Variants in A1CF observed in about 807,000 individuals in gnomAD.
A1CF encodes the protein APOBEC1 complementation factor, also known as APOBEC-1 stimulating protein.
A1CF carries 48 observed loss-of-function variants against 68.9 expected under a neutral mutation model. That is an observed-to-expected ratio of 0.70 (90% confidence interval 0.55 to 0.89). The LOEUF (loss-of-function observed/expected upper bound fraction) is 0.89, where lower values mean the gene tolerates loss of function less well. Ranked by LOEUF, A1CF falls within the 40% of genes least tolerant of loss-of-function variation. The pLI is 0.00. For synonymous variants in A1CF, 272 were observed against 260.4 expected (o/e 1.04, Z -0.43); for missense variants, 653 against 718.9 (o/e 0.91, Z 1.05).
At chr10:50,880,786 A>G (rs766268404) in intron 1 of A1CF, among the ~76,000 whole-genome samples, 7 of 152,200 alleles carry the variant, frequency 4.6e-5, no homozygotes, top group Non-Finnish European at 1.0e-4. Flanking sequence ...TTTGTGCACA[A>G]TGTTTTGCCA....
intron 12 of A1CF, among the ~76,000 whole-genome samples, chr10:50,808,224 G>A (rs184980926): frequency 5.8e-4 from 88 of 152,170 alleles, no homozygotes; most frequent in Non-Finnish European, 7.8e-4. Flanking sequence ...TCTTCCCTTG[G>A]AGCCTATTAT....
chr10:50,879,509 C>G (rs1289477566), intron 1 of A1CF, among the ~76,000 whole-genome samples: 4 of 152,164 alleles, frequency 2.6e-5, no homozygotes, highest in Admixed American at 2.6e-4. Flanking sequence ...AATTGACTCA[C>G]AGTTCTGCAT....
intron 1 of A1CF, among the ~76,000 whole-genome samples, chr10:50,884,323 T>TA (rs1839805756): frequency 6.6e-6 from 1 of 152,206 alleles, no homozygotes; most frequent in Non-Finnish European, 1.5e-5. Context: ...TTTTTTCCCT[T>TA]GAAATCGATA....
chr10:50,859,031 G>T lies in A1CF; in HGVS notation c.99+811C>A, dbSNP rs544308917. ...GAAGGACACTCTTGCATATTTTATT[G>T]CTAATCACACATGACATTTGAATTC... On this transcript the variant is annotated intron_variant, in intron 3 of 12. Transcript: ENST00000373997. Among the ~76,000 whole-genome samples, 16 of 152,172 alleles carry T rather than the reference G, an allele frequency of 1.1e-4. No individual in the cohort carries two copies. In the South Asian group the frequency reaches 3.3e-3, roughly 32 times the overall value.
intron 1 of A1CF, among the ~76,000 whole-genome samples, chr10:50,874,361 A>G (rs571170388): frequency 6.6e-6 from 1 of 152,346 alleles, no homozygotes; most frequent in Non-Finnish European, 1.5e-5. Flanking sequence ...ATATTCTCAT[A>G]AAGTGGATTT....
At chr10:50,816,720 A>T (rs1838391012) in intron 8 of A1CF, among the ~76,000 whole-genome samples, 2 of 152,228 alleles carry the variant, frequency 1.3e-5, no homozygotes, top group African/African-American at 4.8e-5. Context: ...ACCAATAAAG[A>T]AATCTTATCA....
At chr10:50,815,877 G>GCA in intron 9 of A1CF, 129 bp downstream of exon 9, 1 of 1,104,404 alleles carries the variant, frequency 9.1e-7, no homozygotes, top group Non-Finnish European at 1.3e-6. Flanking sequence ...TGATATAATA[G>GCA]TTGATTTTTA....
chr10:50,849,248 T>C (rs12570156), intron 3 of A1CF, among the ~76,000 whole-genome samples: 34,883 of 152,082 alleles, frequency 0.23, 4,677 homozygotes, highest in East Asian at 0.45. Context: ...AATTATCTAT[T>C]TTGTATAGTT....
intron 1 of A1CF, among the ~76,000 whole-genome samples, chr10:50,878,475 T>C (rs1391681031): frequency 6.6e-6 from 1 of 152,148 alleles, no homozygotes; most frequent in Non-Finnish European, 1.5e-5. Context: ...TTGCCTAGAG[T>C]TAAATTGTAG....
intron 5 of A1CF, among the ~76,000 whole-genome samples, chr10:50,836,710 C>T (rs1453945977): frequency 8.1e-6 from 1 of 123,160 alleles, no homozygotes; most frequent in Non-Finnish European, 1.6e-5. Flanking sequence ...CCACAACAGG[C>T]CCTGGTGTGT....
At chr10:50,829,741 T>G (rs555287137) in intron 6 of A1CF, among the ~76,000 whole-genome samples, 2 of 152,260 alleles carry the variant, frequency 1.3e-5, no homozygotes, top group African/African-American at 4.8e-5. Context: ...TCCCCAAGGC[T>G]CCCACATAAT....
At chr10:50,821,601 T>A (rs1275816905) in intron 7 of A1CF, among the ~76,000 whole-genome samples, 1 of 151,960 alleles carries the variant, frequency 6.6e-6, no homozygotes, top group Non-Finnish European at 1.5e-5. Flanking sequence ...AATGGCGTGA[T>A]CTCAGCTCAC....
intron 3 of A1CF, among the ~76,000 whole-genome samples, chr10:50,854,083 C>CT (rs533145622): frequency 2.4e-3 from 365 of 151,504 alleles, no homozygotes; most frequent in African/African-American, 8.3e-3. Flanking sequence ...TTTTTCTTTT[C>CT]TTTTTTTTAA....
In A1CF at chr10:50,811,182, A is replaced by G; in HGVS notation, c.1324-6T>C. On this transcript the variant is annotated splice_region_variant and splice_polypyrimidine_tract_variant and intron_variant, in intron 10 of 12. Coordinates refer to ENST00000373997, the MANE Select transcript of A1CF (RefSeq NM_014576.4). Reference sequence around the variant, plus strand: ...TGACAAATCTCTTCTAATATCTACAAGAATAAAAAAAGTTATTTCCCCCTC... The same window carrying G: ...TGACAAATCTCTTCTAATATCTACAGGAATAAAAAAAGTTATTTCCCCCTC... 6.3e-7 allele frequency: 1 copy of G among 1,597,948 alleles called. No individual in the cohort carries two copies. Among genetic ancestry groups the G allele is most frequent in the Non-Finnish European group, 8.5e-7 (1 of 1,172,168 alleles).
intron 1 of A1CF, among the ~76,000 whole-genome samples, chr10:50,867,411 A>G (rs757153423): frequency 7.9e-5 from 12 of 152,152 alleles, no homozygotes; most frequent in Non-Finnish European, 1.3e-4. Context: ...ACTGGAGGCT[A>G]TTTTCTTAAG....
intron 12 of A1CF, among the ~76,000 whole-genome samples, chr10:50,808,980 G>T (rs1188970090): frequency 6.6e-6 from 1 of 151,256 alleles, no homozygotes; most frequent in Non-Finnish European, 1.5e-5. Context: ...AGTAAAAAAT[G>T]ACAGATTTCT....
chr10:50,832,173 T>C (rs555678723), intron 6 of A1CF, among the ~76,000 whole-genome samples: 5 of 152,314 alleles, frequency 3.3e-5, no homozygotes, highest in African/African-American at 1.2e-4. Flanking sequence ...TAAATGTTCA[T>C]TGACAGATAA....
intron 6 of A1CF, among the ~76,000 whole-genome samples, chr10:50,834,017 G>A (rs1410281644): frequency 1.3e-5 from 2 of 152,152 alleles, no homozygotes; most frequent in South Asian, 4.2e-4. Context: ...GACTGTGGGT[G>A]GAAGCTTAAT....
At chr10:50,851,088 C>T (rs1840220231) in intron 3 of A1CF, among the ~76,000 whole-genome samples, 1 of 152,184 alleles carries the variant, frequency 6.6e-6, no homozygotes, top group South Asian at 2.1e-4. Context: ...CCATCCAATG[C>T]ACCGGGTTTG....
Sources: gnomAD v4.1 joint callset for allele counts (sites outside exome capture counted in the v4.1 genomes callset) on GRCh38, gnomAD v4.1.1 for gene constraint, MANE v1.5 for transcripts, NCBI Gene and HGNC (gene_info 2026-07-23, HGNC 2026-07-21) for gene names.